The following DLGAP2 variants were observed in gnomAD, a reference collection of about 807,000 sequenced individuals.
DLGAP2 encodes the protein DLG associated protein 2, also known as disks large-associated protein 2.
Under a neutral mutation model 100.3 loss-of-function variants are expected in DLGAP2, and 26 were observed. The observed-to-expected ratio is 0.26, with a 90% CI of 0.19 to 0.36. The LOEUF is 0.36. DLGAP2 is among the 10% of genes least tolerant of loss of function. DLGAP2 has a pLI of 1.00. For missense variants in DLGAP2, 1,858 were observed against 1,453.2 expected (o/e 1.28, Z -4.53); for synonymous variants, 886 against 630.1 (o/e 1.41, Z -6.08).
rs193049062 is a variant in DLGAP2 at position 1,408,773 on chromosome 8, T to A, written c.107-92593T>A. Among the ~76,000 whole-genome samples, 19 of 152,098 alleles carry A rather than the reference T, an allele frequency of 1.2e-4. No individual in the cohort carries two copies. In the East Asian group the frequency reaches 1.9e-3, roughly 16 times the overall value. ...CCAGGTTTTGGGAACTCGTGGCAGC[T>A]CTACCACCAAGAGACCCTTCGTCTG... On this transcript the variant is annotated intron_variant, in intron 3 of 14. Coordinates refer to ENST00000637795, the MANE Select transcript of DLGAP2 (RefSeq NM_001346810.2).
intron 3 of DLGAP2, among the ~76,000 whole-genome samples, chr8:1,420,413 C>G (rs974391947): frequency 6.6e-6 from 1 of 152,188 alleles, no homozygotes; most frequent in African/African-American, 2.4e-5. Context: ...TTCTGCGATT[C>G]TCTCTTCCAC....
chr8:1,628,180 G>C (rs1213386029), intron 7 of DLGAP2, among the ~76,000 whole-genome samples: 1 of 115,248 alleles, frequency 8.7e-6, no homozygotes, highest in Admixed American at 8.4e-5. Flanking sequence ...CATTCTCTCT[G>C]ACTTACTGTG....
rs552020137 is a variant in DLGAP2, at chr8:1,224,252, G to C, written c.74-34599G>C. Among the ~76,000 whole-genome samples the C allele has an allele frequency of 3.3e-5, 5 of 152,280 alleles. No homozygotes were observed. In the South Asian group the frequency reaches 6.2e-4, roughly 19 times the overall value. ...GCACATTTAATGTGGGTCAGGAAGA[G>C]GGAATATCAGGATGAGTAAGGCACA... On this transcript the variant is annotated intron_variant, in intron 2 of 14. Transcript: ENST00000637795.
chr8:906,012 C>T (rs772139625), intron 1 of DLGAP2, among the ~76,000 whole-genome samples: 10 of 152,336 alleles, frequency 6.6e-5, no homozygotes, highest in Admixed American at 2.0e-4. Context: ...AATGGGGTTG[C>T]CTGCACTTGC....
intron 2 of DLGAP2, among the ~76,000 whole-genome samples, chr8:1,006,821 C>G (rs1801127227): frequency 2.0e-5 from 1 of 50,990 alleles, no homozygotes. Flanking sequence ...CGGGGGCGCC[C>G]TGCGTCTCAA....
intron 1 of DLGAP2, among the ~76,000 whole-genome samples, chr8:761,069 G>A (rs899494694): frequency 3.5e-4 from 54 of 152,282 alleles, no homozygotes; most frequent in African/African-American, 1.2e-3. Flanking sequence ...TGTGCCGGGC[G>A]CCGTTCTGAA....
intron 2 of DLGAP2, among the ~76,000 whole-genome samples, chr8:1,031,457 G>T (rs1036599358): frequency 2.0e-5 from 3 of 151,914 alleles, no homozygotes; most frequent in Admixed American, 6.6e-5. Context: ...TGTCACCCAA[G>T]CTGTGGTGCA....
At chr8:962,149 C>G (rs1272716742) in intron 2 of DLGAP2, among the ~76,000 whole-genome samples, 10 of 152,190 alleles carry the variant, frequency 6.6e-5, no homozygotes, top group Admixed American at 6.5e-4. Flanking sequence ...GGCTCATTTT[C>G]TTATAATTTG....
intron 1 of DLGAP2, among the ~76,000 whole-genome samples, chr8:903,604 A>T (rs2128997927): frequency 6.6e-6 from 1 of 152,152 alleles, no homozygotes; most frequent in Non-Finnish European, 1.5e-5. Context: ...TATGAGTGTT[A>T]TTCCTCCACT....
intron 4 of DLGAP2, among the ~76,000 whole-genome samples, chr8:1,515,053 A>ACCGAT (rs1397579618): frequency 4.6e-5 from 7 of 152,024 alleles, no homozygotes; most frequent in Admixed American, 2.6e-4. Flanking sequence ...GTGCAGGGAT[A>ACCGAT]CCGATCCCTG....
chr8:1,429,842 C>T (rs1797360423), intron 3 of DLGAP2, among the ~76,000 whole-genome samples: 1 of 150,516 alleles, frequency 6.6e-6, no homozygotes, highest in Admixed American at 6.6e-5. Flanking sequence ...AAGCAGTATT[C>T]ATCTGATTTG....
At chr8:1,593,496 A>C (rs1351923023) in intron 6 of DLGAP2, among the ~76,000 whole-genome samples, 1 of 152,070 alleles carries the variant, frequency 6.6e-6, no homozygotes, top group African/African-American at 2.4e-5. Context: ...ATAAATAAAT[A>C]AATGACACTA....
chr8:1,328,329 T>C (rs568501122), intron 3 of DLGAP2, among the ~76,000 whole-genome samples: 1 of 151,554 alleles, frequency 6.6e-6, no homozygotes, highest in African/African-American at 2.4e-5. Flanking sequence ...ATTATTATTA[T>C]TATTTTTGAG....
intron 4 of DLGAP2, among the ~76,000 whole-genome samples, chr8:1,509,821 C>G (rs1204022046): frequency 1.3e-5 from 2 of 152,086 alleles, no homozygotes; most frequent in Non-Finnish European, 2.9e-5. Context: ...CAGTTTTTAC[C>G]ATGATTAGTA....
At chr8:1,108,125 C>T (rs925864738) in intron 2 of DLGAP2, among the ~76,000 whole-genome samples, 1 of 152,086 alleles carries the variant, frequency 6.6e-6, no homozygotes, top group African/African-American at 2.4e-5. Context: ...ATGGACTGGA[C>T]GCTGCGCAGA....
At chr8:1,560,191 A>C (rs537419050) in intron 5 of DLGAP2, among the ~76,000 whole-genome samples, 1 of 152,346 alleles carries the variant, frequency 6.6e-6, no homozygotes, top group South Asian at 2.1e-4. Context: ...TCCCTGTTTC[A>C]CATCTTCTGG....
At chr8:1,579,941 C>T (rs771360773) in intron 6 of DLGAP2, among the ~76,000 whole-genome samples, 35 of 152,118 alleles carry the variant, frequency 2.3e-4, no homozygotes, top group Non-Finnish European at 5.9e-5. Context: ...CACAGGCAGC[C>T]GCAGGGCAGC....
At chr8:769,055 G>A (rs1286232174) in intron 1 of DLGAP2, among the ~76,000 whole-genome samples, 1 of 152,144 alleles carries the variant, frequency 6.6e-6, no homozygotes, top group Non-Finnish European at 1.5e-5. Context: ...GAGACAGTGC[G>A]TGCATGGTCA....
chr8:1,574,757 A>G (rs1464790276), intron 6 of DLGAP2, among the ~76,000 whole-genome samples: 1 of 152,250 alleles, frequency 6.6e-6, no homozygotes, highest in Non-Finnish European at 1.5e-5. Context: ...GCCAATATTT[A>G]AAAGCAGAAA....
Sources: gnomAD v4.1 joint callset for allele counts (sites outside exome capture counted in the v4.1 genomes callset) on GRCh38, gnomAD v4.1.1 for gene constraint, MANE v1.5 for transcripts, NCBI Gene and HGNC (gene_info 2026-07-23, HGNC 2026-07-21) for gene names.